PGAP2: variants seen among roughly 807,000 people sequenced by gnomAD.
PGAP2 encodes acyltransferase PGAP2.
A neutral mutation model predicts 33.2 loss-of-function variants in PGAP2; 21 were observed. The ratio of observed to expected loss-of-function variants is 0.63; its 90% confidence interval spans 0.45 to 0.91. PGAP2 has a LOEUF of 0.91. PGAP2 is among the 40% of genes least tolerant of loss of function. PGAP2 has a pLI of 0.00. For synonymous variants in PGAP2, 161 were observed against 172.9 expected (o/e 0.93, Z 0.54); for missense variants, 345 against 424.0 (o/e 0.81, Z 1.64).
chr11:3,824,009 C>T lies in PGAP2; in HGVS notation c.475C>T (p.His159Tyr), dbSNP rs2089500804. ...RFLVAFAYWN[H>Y]YLSCTSPCSC... ...CTTGGTGGCCTTCGCCTACTGGAAC[C>T]ACTACCTCAGCTGCACCTCCCCGTG... Residue 159 changes from histidine to tyrosine, a missense_variant, in exon 4 of 7, where the codon CAC becomes TAC. Transcript: ENST00000278243. 6.2e-7 allele frequency: 1 copy of T among 1,614,074 alleles called. No individual in the cohort carries two copies. The highest frequency in any genetic ancestry group is 8.5e-7 in the Non-Finnish European group (1 of 1,180,026).
chr11:3,799,049 T>C (rs2134071777), intron 1 of PGAP2, among the ~76,000 whole-genome samples: 1 of 152,378 alleles, frequency 6.6e-6, no homozygotes, highest in South Asian at 2.1e-4. Context: ...TGGGCAGGCC[T>C]CTGTTAAAGC....
intron 3 of PGAP2, chr11:3,822,806 C>A: frequency 3.3e-6 from 2 of 613,674 alleles, no homozygotes; most frequent in Non-Finnish European, 5.6e-6. Flanking sequence ...GCTTTCCTGT[C>A]CCCATCTAAA....
chr11:3,803,585 A>G (rs112009491), upstream of PGAP2, among the ~76,000 whole-genome samples: 4,165 of 150,236 alleles, frequency 0.028, 200 homozygotes, highest in African/African-American at 0.095. Context: ...CCACCACCAC[A>G]CCAGGCTAAT....
chr11:3,797,933 C>G (rs1189743091), exon 1 of PGAP2: 2 of 1,548,110 alleles, frequency 1.3e-6, no homozygotes, highest in African/African-American at 1.4e-5. Flanking sequence ...CGCCGCGACT[C>G]GGGCTGAGGG....
intron 1 of PGAP2, among the ~76,000 whole-genome samples, chr11:3,809,383 A>G (rs2085084925): frequency 6.6e-6 from 1 of 152,232 alleles, no homozygotes; most frequent in Non-Finnish European, 1.5e-5. Context: ...AGAACTGTGG[A>G]AACAGATCTA....
upstream of PGAP2, chr11:3,797,751 C>T (rs2082759955): frequency 7.0e-7 from 1 of 1,433,600 alleles, no homozygotes; most frequent in Non-Finnish European, 9.5e-7. Context: ...AGGGTAGGAG[C>T]GGTGAGAGGG....
rs1191901503 is a variant in PGAP2, at chr11:3,823,933, C to G, written c.399C>G (p.Pro133=). ...SVSSAIGGEV[P]QRYVWRFCIG... ...GCTCAGCCATCGGCGGGGAGGTGCC[C>G]CAGCGCTACGTGTGGCGTTTCTGCA... Residue 133 remains proline (P), a synonymous_variant, in exon 4 of 7, where the codon CCC becomes CCG. Coordinates refer to ENST00000278243, the MANE Select transcript of PGAP2 (RefSeq NM_014489.4). 1 of 1,603,994 alleles carries G rather than the reference C, an allele frequency of 6.2e-7. No individual in the cohort carries two copies. Among genetic ancestry groups the G allele is most frequent in the African/African-American group, 1.3e-5 (1 of 74,858 alleles).
chr11:3,808,702 C>G, intron 1 of PGAP2, 51 bp downstream of exon 1: 5 of 1,036,258 alleles, frequency 4.8e-6, no homozygotes, highest in Non-Finnish European at 5.9e-6. Context: ...CACTCGGGAG[C>G]TTGGCCGCGC....
upstream of PGAP2, chr11:3,808,068 G>C (rs938432850): frequency 6.3e-6 from 7 of 1,115,126 alleles, no homozygotes; most frequent in South Asian, 1.7e-5. Context: ...GTGCCTCACC[G>C]GGTCTCACTG....
chr11:3,807,394 G>C (rs1326206113), upstream of PGAP2, among the ~76,000 whole-genome samples: 1 of 143,392 alleles, frequency 7.0e-6, no homozygotes. Flanking sequence ...TGCAACCTCT[G>C]CCTCCCGGGT....
chr11:3,808,076 C>T (rs1337440431), upstream of PGAP2: 3 of 1,431,074 alleles, frequency 2.1e-6, no homozygotes, highest in Non-Finnish European at 2.7e-6. Flanking sequence ...CCGGGTCTCA[C>T]TGCCTGCAAA....
At chr11:3,812,576 T>C (rs1202786105) in intron 2 of PGAP2, among the ~76,000 whole-genome samples, 4 of 152,134 alleles carry the variant, frequency 2.6e-5, no homozygotes, top group African/African-American at 9.7e-5. Flanking sequence ...ACTGTCAGGT[T>C]GGAAGGCAGG....
At chr11:3,799,837 AGC>A (rs1476163707) in intron 1 of PGAP2, among the ~76,000 whole-genome samples, 1 of 152,110 alleles carries the variant, frequency 6.6e-6, no homozygotes, top group Non-Finnish European at 1.5e-5. Flanking sequence ...TGTGGTGGCA[AGC>A]GCCTGTGGTC....
chr11:3,802,168 T>A (rs1037382), intron 1 of PGAP2, among the ~76,000 whole-genome samples: 98,311 of 150,730 alleles, frequency 0.65, 33,384 homozygotes, highest in East Asian at 0.81. Flanking sequence ...CAAGTAGATG[T>A]GCAGGGAAAT....
upstream of PGAP2, among the ~76,000 whole-genome samples, chr11:3,805,524 A>G (rs2084169271): frequency 1.3e-5 from 2 of 148,596 alleles, no homozygotes; most frequent in African/African-American, 2.5e-5. Flanking sequence ...GGCCTCCCAA[A>G]GTGCTGGGAT....
intron 1 of PGAP2, among the ~76,000 whole-genome samples, chr11:3,798,998 G>A (rs1456907597): frequency 6.6e-6 from 1 of 152,240 alleles, no homozygotes; most frequent in East Asian, 1.9e-4. Context: ...TCTTCTCAGT[G>A]ATACATTTGC....
At chr11:3,798,011 G>T in intron 1 of PGAP2, 1 of 1,535,322 alleles carries the variant, frequency 6.5e-7, no homozygotes, top group East Asian at 2.6e-5. Flanking sequence ...CCTTGCCCCG[G>T]TCCGCCGGCG....
chr11:3,807,201 G>GTA (rs2084536676), upstream of PGAP2, among the ~76,000 whole-genome samples: 1 of 148,404 alleles, frequency 6.7e-6, no homozygotes, highest in African/African-American at 2.5e-5. Context: ...GCTGGGCGCA[G>GTA]TAGCGGGCGC....
intron 3 of PGAP2, chr11:3,823,019 CTTTTCTTTTTTTTTTT>C: frequency 2.6e-6 from 1 of 385,002 alleles, no homozygotes; most frequent in Admixed American, 5.6e-5. Flanking sequence ...TTTCTTTTTT[CTTTTCTTTTTTTTTTT>C]TTTTTTTTTT....
Sources: allele counts gnomAD v4.1 joint callset (sites outside exome capture counted in the v4.1 genomes callset), GRCh38; gene constraint gnomAD v4.1.1; transcripts MANE v1.5; gene names NCBI Gene and HGNC (gene_info 2026-07-23, HGNC 2026-07-21).